Variants in ATAD2B observed in about 807,000 individuals in gnomAD.
The protein encoded by ATAD2B is ATPase family AAA domain-containing protein 2B.
In ATAD2B, 40 loss-of-function variants were observed where a neutral mutation model predicts 167.6. The observed-to-expected ratio is 0.24, with a 90% CI of 0.19 to 0.31. ATAD2B has a LOEUF of 0.31. ATAD2B is among the 10% of genes least tolerant of loss of function. The pLI is 1.00. For missense variants in ATAD2B, 1,242 were observed against 1,757.2 expected, an observed-to-expected ratio of 0.71 and a Z score of 5.24; for synonymous variants, 579 against 596.5, an observed-to-expected ratio of 0.97 and a Z score of 0.43.
intron 10 of ATAD2B, 54 bp downstream of exon 10, chr2:23,867,781 G>A: frequency 2.3e-6 from 3 of 1,305,380 alleles, no homozygotes; most frequent in Non-Finnish European, 3.3e-6. Context: ...TTAGAAACAA[G>A]AAAAAAACTT....
chr2:23,804,663 A>C (rs1407189934), intron 18 of ATAD2B, among the ~76,000 whole-genome samples: 2 of 151,264 alleles, frequency 1.3e-5, no homozygotes, highest in African/African-American at 2.4e-5. Flanking sequence ...TCATGCCACG[A>C]AAAAAATCAG....
intron 14 of ATAD2B, among the ~76,000 whole-genome samples, chr2:23,829,513 T>C (rs529141888): frequency 6.6e-6 from 1 of 152,264 alleles, no homozygotes; most frequent in African/African-American, 2.4e-5. Context: ...CACTTTGGGA[T>C]GCTGAGGTAG....
intron 2 of ATAD2B, among the ~76,000 whole-genome samples, chr2:23,890,648 C>A (rs916739588): frequency 6.6e-6 from 1 of 152,142 alleles, no homozygotes; most frequent in Non-Finnish European, 1.5e-5. Flanking sequence ...GTCTTGGCAC[C>A]AAATGAATTC....
chr2:23,692,392 G>A, the ATAD2B span, among the ~76,000 whole-genome samples: 1 of 152,226 alleles, frequency 6.6e-6, no homozygotes, highest in African/African-American at 2.4e-5. Context: ...TCGCTGACCC[G>A]AACAACATGC....
chr2:23,926,263 C>T (rs1177552090), intron 1 of ATAD2B, among the ~76,000 whole-genome samples: 3 of 152,194 alleles, frequency 2.0e-5, no homozygotes, highest in Non-Finnish European at 4.4e-5. Flanking sequence ...TGGGGCAGGA[C>T]AAGGACACGG....
rs998166207 is a variant in ATAD2B, at chr2:23,751,268, C to G, written c.*778G>C. ...AACCAAAACAGACCTTACAAGAAAACTTACCATTTTAGTATATTATGTGGC... is the reference window on the plus strand; with the variant it reads ...AACCAAAACAGACCTTACAAGAAAAGTTACCATTTTAGTATATTATGTGGC... On this transcript the variant is annotated 3_prime_UTR_variant, in exon 28 of 28. Coordinates refer to ENST00000238789, the MANE Select transcript of ATAD2B (RefSeq NM_017552.4). 2.0e-5 allele frequency: 3 copies of G among 151,990 alleles called. No homozygotes were observed. The highest frequency in any genetic ancestry group is 2.9e-5 in the Non-Finnish European group (2 of 67,988). The allele number at this position is 151,990 out of a possible 1,614,324, so 9.4% of individuals were successfully genotyped here. A position where few individuals can be genotyped will look rare whatever the true frequency, so the allele number is the denominator to read the frequency against.
downstream of ATAD2B, among the ~76,000 whole-genome samples, chr2:23,746,962 G>T (rs948682703): frequency 2.0e-5 from 3 of 152,086 alleles, no homozygotes; most frequent in African/African-American, 7.2e-5. Flanking sequence ...ATGAAGACAC[G>T]GACTTTTTCT....
chr2:23,874,127 C>T (rs2150133075), intron 8 of ATAD2B, among the ~76,000 whole-genome samples: 1 of 151,928 alleles, frequency 6.6e-6, no homozygotes, highest in East Asian at 1.9e-4. Flanking sequence ...GCGGAGGTTG[C>T]AGTGAGCCGA....
At chr2:23,878,050 TA>T (rs1697289824) in intron 7 of ATAD2B, among the ~76,000 whole-genome samples, 1 of 66,146 alleles carries the variant, frequency 1.5e-5, no homozygotes, top group African/African-American at 5.1e-5. Context: ...GCAAAATGTA[TA>T]AATTGGAGTT....
intron 22 of ATAD2B, among the ~76,000 whole-genome samples, chr2:23,768,566 T>C (rs1270857193): frequency 1.3e-5 from 2 of 150,732 alleles, no homozygotes; most frequent in Non-Finnish European, 3.0e-5. Context: ...AGCAAGATCC[T>C]GTCTCCAAAA....
chr2:23,790,300 G>A (rs1681474312), intron 19 of ATAD2B, among the ~76,000 whole-genome samples: 3 of 152,144 alleles, frequency 2.0e-5, no homozygotes, highest in East Asian at 1.9e-4. Flanking sequence ...GCAAAACAGA[G>A]CAGAGACCTT....
the ATAD2B span, among the ~76,000 whole-genome samples, chr2:23,724,959 C>T: frequency 2.2e-5 from 3 of 137,908 alleles, no homozygotes; most frequent in East Asian, 2.4e-4. Context: ...AGGAGAATGG[C>T]GTGAACCTAG....
chr2:23,912,977 CAG>C (rs1434180604), intron 1 of ATAD2B, among the ~76,000 whole-genome samples: 2 of 152,144 alleles, frequency 1.3e-5, no homozygotes, highest in Non-Finnish European at 2.9e-5. Flanking sequence ...GCCTGGGTGA[CAG>C]GGCAAGAATC....
At chr2:23,692,180 T>C in the ATAD2B span, among the ~76,000 whole-genome samples, 1 of 152,214 alleles carries the variant, frequency 6.6e-6, no homozygotes, top group Non-Finnish European at 1.5e-5. Context: ...TGTGCTCTGT[T>C]TGTGGGGAAA....
chr2:23,712,032 T>C, the ATAD2B span, among the ~76,000 whole-genome samples: 1 of 152,198 alleles, frequency 6.6e-6, no homozygotes, highest in African/African-American at 2.4e-5. Flanking sequence ...GTGCTCTCTG[T>C]ACACTGTTGA....
the ATAD2B span, chr2:23,706,366 G>C: frequency 1.3e-6 from 1 of 746,430 alleles, no homozygotes; most frequent in Non-Finnish European, 1.9e-6. Context: ...CAAGATCCCA[G>C]ATGCCTTCTG....
chr2:23,903,028 A>C (rs912953144), intron 1 of ATAD2B, among the ~76,000 whole-genome samples: 1 of 152,096 alleles, frequency 6.6e-6, no homozygotes, highest in African/African-American at 2.4e-5. Context: ...TGAGCTCAGG[A>C]GTTCGAGCCC....
intron 8 of ATAD2B, chr2:23,872,329 A>C (rs1169310152): frequency 6.9e-6 from 4 of 582,140 alleles, no homozygotes; most frequent in Non-Finnish European, 1.3e-5. Flanking sequence ...CATGCACCTG[A>C]TGGTCTTCAA....
the ATAD2B span, among the ~76,000 whole-genome samples, chr2:23,743,577 A>AG: frequency 1.3e-4 from 20 of 150,512 alleles, no homozygotes; most frequent in South Asian, 2.1e-4. Flanking sequence ...AAAAAAAAAA[A>AG]AGAGAGAGAG....
Sources: allele counts gnomAD v4.1 joint callset (sites outside exome capture counted in the v4.1 genomes callset), GRCh38; gene constraint gnomAD v4.1.1; transcripts MANE v1.5; gene names NCBI Gene and HGNC (gene_info 2026-07-23, HGNC 2026-07-21).